DGLUCY: variants seen among roughly 807,000 people sequenced by gnomAD.
DGLUCY encodes D-glutamate cyclase, mitochondrial.
A neutral mutation model predicts 58.5 loss-of-function variants in DGLUCY; 58 were observed. The ratio of observed to expected loss-of-function variants is 0.99; its 90% CI spans 0.80 to 1.23. The LOEUF is 1.23. Ranked by LOEUF, DGLUCY falls within the 50% of genes most tolerant of loss-of-function variation. The probability of loss-of-function intolerance (pLI) is 0.00; values close to 1 mark genes in which losing one functional copy is unlikely to be tolerated. For missense variants in DGLUCY, 779 were observed against 784.7 expected (o/e 0.99, Z 0.09); for synonymous variants, 325 against 314.1 (o/e 1.03, Z -0.37).
At chr14:91,169,662 G>A (rs1216913478) in intron 4 of DGLUCY, among the ~76,000 whole-genome samples, 3 of 150,884 alleles carry the variant, frequency 2.0e-5, no homozygotes, top group Admixed American at 2.0e-4. Context: ...TGCCCGCCTC[G>A]GCCTCCCAAA....
In DGLUCY at chr14:91,216,919, G is replaced by A. The variant is rs186017464; in HGVS notation, c.1716+1363G>A. ...GGAAAATGCAAAAGAGAGGTGGCCA[G>A]CGCGCAGCACCCAAGCCTGAGCAGC... is the stretch of plus-strand genomic sequence containing the variant. On this transcript the variant is annotated intron_variant, in intron 13 of 13. Transcript: ENST00000256324. Among the ~76,000 whole-genome samples the A allele has an allele frequency of 2.9e-3, 436 of 152,366 alleles. 1 individual carries two copies. Among genetic ancestry groups the A allele is most frequent in the African/African-American group, 8.6e-3 (356 of 41,584 alleles).
intron 1 of DGLUCY, among the ~76,000 whole-genome samples, chr14:91,092,061 ACCTGGAGCTCCCTGC>A (rs1413845338): frequency 2.6e-5 from 4 of 152,178 alleles, no homozygotes; most frequent in African/African-American, 9.6e-5. Flanking sequence ...GCCTCTACCT[ACCTGGAGCTCCCTGC>A]CCCTTTAAAA....
chr14:91,081,555 G>A (rs1052685041), intron 1 of DGLUCY, among the ~76,000 whole-genome samples: 1 of 152,068 alleles, frequency 6.6e-6, no homozygotes, highest in Non-Finnish European at 1.5e-5. Context: ...GTCCAAAATG[G>A]GTCTTATGGG....
intron 1 of DGLUCY, among the ~76,000 whole-genome samples, chr14:91,149,559 T>C (rs1046028266): frequency 2.6e-5 from 4 of 152,248 alleles, no homozygotes; most frequent in African/African-American, 4.8e-5. Flanking sequence ...ATGGAACCGA[T>C]GACTCAGCGT....
chr14:91,188,588 G>A (rs1182363213), intron 8 of DGLUCY, among the ~76,000 whole-genome samples: 1 of 152,216 alleles, frequency 6.6e-6, no homozygotes, highest in African/African-American at 2.4e-5. Flanking sequence ...CACTTTGGGA[G>A]GCCAAGGTGG....
chr14:91,111,625 C>G (rs1185706247), upstream of DGLUCY, among the ~76,000 whole-genome samples: 1 of 152,162 alleles, frequency 6.6e-6, no homozygotes, highest in Non-Finnish European at 1.5e-5. Context: ...ACTCTCAGAT[C>G]TTAGCGAGGG....
At chr14:91,140,218 C>G (rs775305096) in intron 1 of DGLUCY, among the ~76,000 whole-genome samples, 6 of 152,190 alleles carry the variant, frequency 3.9e-5, no homozygotes, top group Non-Finnish European at 7.3e-5. Flanking sequence ...CCTCCTTCTT[C>G]TCCTTCTTCA....
intron 1 of DGLUCY, chr14:91,091,202 T>G (rs2044305397): frequency 6.6e-6 from 1 of 152,108 alleles, no homozygotes. Flanking sequence ...TCTCCATAAA[T>G]TCCTCTTCTG....
intron 5 of DGLUCY, among the ~76,000 whole-genome samples, chr14:91,170,560 C>T (rs2048522764): frequency 6.6e-6 from 1 of 152,206 alleles, no homozygotes; most frequent in African/African-American, 2.4e-5. Flanking sequence ...ATGAGCCTGG[C>T]TCTCTCAATA....
chr14:91,215,213 C>T (rs958498367), intron 12 of DGLUCY, among the ~76,000 whole-genome samples, 192 bp from the exon 13 acceptor site: 3 of 152,170 alleles, frequency 2.0e-5, no homozygotes, highest in Non-Finnish European at 2.9e-5. Context: ...CTTTCCTCTC[C>T]TCTCCTGCTG....
chr14:91,218,324 G>A (rs1285865), intron 13 of DGLUCY, among the ~76,000 whole-genome samples: 107,811 of 151,938 alleles, frequency 0.71, 38,620 homozygotes, highest in East Asian at 0.93. Context: ...ACAGATGGAA[G>A]CTTTTCCTTC....
At chr14:91,167,139 C>CAAA in intron 3 of DGLUCY, 86 bp from the exon 4 acceptor site, 56 of 1,206,046 alleles carry the variant, frequency 4.6e-5, no homozygotes, top group East Asian at 5.4e-5. Context: ...AACTCCGCCT[C>CAAA]AAAAAAAAAA....
chr14:91,074,312 AATAT>A (rs71120111), intron 1 of DGLUCY, among the ~76,000 whole-genome samples: 38 of 121,880 alleles, frequency 3.1e-4, no homozygotes, highest in African/African-American at 1.0e-3. Flanking sequence ...AAAAAAAAAA[AATAT>A]ATATATATAT....
chr14:91,200,980 A>G (rs1056642437), intron 11 of DGLUCY, among the ~76,000 whole-genome samples: 2 of 144,634 alleles, frequency 1.4e-5, no homozygotes, highest in Non-Finnish European at 3.0e-5. Context: ...ATTACAAAGT[A>G]CCTTCTTCAG....
chr14:91,119,496 A>G lies in DGLUCY; in HGVS notation c.-82+5213A>G, dbSNP rs370428943. 7.9e-5 allele frequency among the ~76,000 whole-genome samples: 12 copies of G among 151,928 alleles called. No individual in the cohort carries two copies. In the East Asian group the frequency reaches 1.4e-3, roughly 17 times the overall value. ...TTCTCACTGCAGTGCTACTCTTTCT[A>G]AGTTCCCACCCTACTTTGCTAGACA... On this transcript the variant is annotated intron_variant, in intron 1 of 13. Coordinates refer to ENST00000256324, the MANE Select transcript of DGLUCY (RefSeq NM_001102368.3).
At chr14:91,064,961 C>T (rs1234138863) in intron 1 of DGLUCY, among the ~76,000 whole-genome samples, 1 of 152,240 alleles carries the variant, frequency 6.6e-6, no homozygotes, top group East Asian at 1.9e-4. Flanking sequence ...GGGAGTTTTT[C>T]GGTTTTTTGG....
At chr14:91,081,199 T>C (rs1247932164) in intron 1 of DGLUCY, among the ~76,000 whole-genome samples, 3 of 136,848 alleles carry the variant, frequency 2.2e-5, no homozygotes, top group African/African-American at 8.8e-5. Context: ...TGAGACTCCG[T>C]CTCAAAAAAA....
chr14:91,192,049 CAA>C (rs1465795905), intron 9 of DGLUCY, among the ~76,000 whole-genome samples: 1 of 152,160 alleles, frequency 6.6e-6, no homozygotes, highest in Non-Finnish European at 1.5e-5. Flanking sequence ...AGCAGGGACT[CAA>C]GAGGTATTTG....
intron 1 of DGLUCY, among the ~76,000 whole-genome samples, chr14:91,073,916 T>C (rs1163520249): frequency 6.6e-6 from 1 of 150,416 alleles, no homozygotes; most frequent in East Asian, 2.0e-4. Flanking sequence ...AGGCCAGGAG[T>C]TTAAGACCAG....
Sources: gnomAD v4.1 joint callset for allele counts (sites outside exome capture counted in the v4.1 genomes callset) on GRCh38, gnomAD v4.1.1 for gene constraint, MANE v1.5 for transcripts, NCBI Gene and HGNC (gene_info 2026-07-23, HGNC 2026-07-21) for gene names.